Variants in FHIT observed in about 807,000 individuals in gnomAD.
The protein encoded by FHIT is fragile histidine triad diadenosine triphosphatase.
A neutral mutation model predicts 17.9 loss-of-function variants in FHIT; 19 were observed. The ratio of observed to expected loss-of-function variants is 1.06; its 90% CI spans 0.74 to 1.56. The LOEUF (loss-of-function observed/expected upper bound fraction) is 1.56, where lower values mean the gene tolerates loss of function less well. Among genes scored for constraint, FHIT ranks in the 40% most tolerant of loss-of-function variants. The pLI is 0.00. For missense variants in FHIT, 248 were observed against 189.2 expected, an observed-to-expected ratio of 1.31 and a Z score of -1.82; for synonymous variants, 81 against 69.7, an observed-to-expected ratio of 1.16 and a Z score of -0.81.
chr3:60,347,780 C>A lies in FHIT; in HGVS notation c.103+189080G>T, dbSNP rs191752738. Among the ~76,000 whole-genome samples the A allele has an allele frequency of 1.7e-3, 250 of 148,622 alleles. 2 individuals carry two copies. The highest frequency in any genetic ancestry group is 7.8e-4 in the Non-Finnish European group (53 of 67,556). On this transcript the variant is annotated intron_variant, in intron 5 of 9. Coordinates refer to ENST00000492590, the MANE Select transcript of FHIT (RefSeq NM_002012.4). ...CCTATCTTTTCATTTTTTTTTGAGA[C>A]AAAGTCTCGCTCTTGTTGCCCAGGC...
At chr3:61,007,181 T>C (rs568013671) in intron 3 of FHIT, among the ~76,000 whole-genome samples, 54 of 152,328 alleles carry the variant, frequency 3.5e-4, no homozygotes, top group Non-Finnish European at 6.6e-4. Context: ...GTAATCATCT[T>C]TGCAGTCTGT....
Position 59,922,326 on chromosome 3 carries a change from A to G in FHIT, c.348+20T>C, listed in dbSNP as rs183348823. 7.3e-4 allele frequency: 1,165 copies of G among 1,600,438 alleles called. 3 individuals are homozygous for G. The highest frequency in any genetic ancestry group is 2.2e-3 in the Admixed American group (130 of 59,968). On this transcript the variant is annotated intron_variant, in intron 8 of 9. Coordinates refer to ENST00000492590, the MANE Select transcript of FHIT (RefSeq NM_002012.4). ...ACAGTCCCCGTGATCAAACAATAAG[A>G]TCAGAGAGAACAGACCCACCTCCTC... is the stretch of plus-strand genomic sequence containing the variant.
chr3:61,039,645 T>A (rs2033412425), intron 3 of FHIT, among the ~76,000 whole-genome samples: 1 of 151,340 alleles, frequency 6.6e-6, no homozygotes, highest in African/African-American at 2.4e-5. Flanking sequence ...TAAGTGGGAG[T>A]TGAACAATGA....
chr3:60,404,142 G>A (rs1039968282), intron 5 of FHIT, among the ~76,000 whole-genome samples: 1 of 152,100 alleles, frequency 6.6e-6, no homozygotes, highest in African/African-American at 2.4e-5. Flanking sequence ...CAACCAATGA[G>A]AATACTTTCG....
intron 4 of FHIT, among the ~76,000 whole-genome samples, chr3:60,569,305 C>T (rs1039487912): frequency 1.3e-5 from 2 of 152,172 alleles, no homozygotes; most frequent in Admixed American, 1.3e-4. Flanking sequence ...CTCCTGGCCA[C>T]CAAAGGACAC....
At chr3:60,309,478 G>A (rs909273171) in intron 5 of FHIT, among the ~76,000 whole-genome samples, 4 of 152,090 alleles carry the variant, frequency 2.6e-5, no homozygotes, top group East Asian at 3.9e-4. Flanking sequence ...CCAAGATGAC[G>A]ACAAAACTTT....
chr3:59,775,749 G>A (rs1024940950), intron 8 of FHIT, among the ~76,000 whole-genome samples: 1 of 152,108 alleles, frequency 6.6e-6, no homozygotes, highest in Non-Finnish European at 1.5e-5. Context: ...TCAGATGAAC[G>A]CTTTAAATGA....
chr3:59,768,593 T>C (rs1450469066), intron 8 of FHIT, among the ~76,000 whole-genome samples: 2 of 152,360 alleles, frequency 1.3e-5, no homozygotes, highest in African/African-American at 4.8e-5. Context: ...CTTTTCACAA[T>C]AGCCAATCTT....
intron 3 of FHIT, among the ~76,000 whole-genome samples, chr3:60,874,458 C>T (rs1575628024): frequency 1.3e-5 from 2 of 152,152 alleles, no homozygotes; most frequent in East Asian, 3.9e-4. Flanking sequence ...CTGGTCTGTG[C>T]ACATTTTTCT....
At chr3:60,637,250 T>C (rs2039611365) in intron 4 of FHIT, among the ~76,000 whole-genome samples, 1 of 152,226 alleles carries the variant, frequency 6.6e-6, no homozygotes, top group African/African-American at 2.4e-5. Flanking sequence ...TTGATTTTGG[T>C]ATGAAACTTC....
chr3:60,371,234 C>T (rs1700314568), intron 5 of FHIT, among the ~76,000 whole-genome samples: 1 of 152,192 alleles, frequency 6.6e-6, no homozygotes, highest in African/African-American at 2.4e-5. Flanking sequence ...TATCTTTATT[C>T]TCCTGTGTCT....
At chr3:60,987,757 G>A (rs373895547) in intron 3 of FHIT, among the ~76,000 whole-genome samples, 2 of 152,276 alleles carry the variant, frequency 1.3e-5, no homozygotes, top group East Asian at 3.9e-4. Flanking sequence ...GTTTAGCTTA[G>A]AAACAATCAG....
intron 5 of FHIT, among the ~76,000 whole-genome samples, chr3:60,114,915 A>G (rs1453447993): frequency 6.6e-6 from 1 of 152,198 alleles, no homozygotes; most frequent in Non-Finnish European, 1.5e-5. Context: ...TATACTGAAA[A>G]GCCGCTGTCT....
chr3:60,171,245 G>A (rs905451700), intron 5 of FHIT, among the ~76,000 whole-genome samples: 9 of 151,918 alleles, frequency 5.9e-5, no homozygotes, highest in Admixed American at 1.3e-4. Flanking sequence ...GTTACTCCTG[G>A]AAATTACTTT....
chr3:60,074,521 G>C (rs1702920407), intron 5 of FHIT, among the ~76,000 whole-genome samples: 1 of 147,046 alleles, frequency 6.8e-6, no homozygotes, highest in Non-Finnish European at 1.5e-5. Context: ...CATTCATTCA[G>C]CAAATGTGTG....
intron 3 of FHIT, among the ~76,000 whole-genome samples, chr3:60,977,970 T>C (rs539447631): frequency 1.3e-5 from 2 of 152,214 alleles, no homozygotes; most frequent in Non-Finnish European, 2.9e-5. Context: ...TTGTCAGAAA[T>C]TCCTATTCCT....
At chr3:60,862,892 T>C (rs981076947) in intron 3 of FHIT, among the ~76,000 whole-genome samples, 18 of 151,482 alleles carry the variant, frequency 1.2e-4, no homozygotes, top group African/African-American at 4.1e-4. Context: ...GGTTATCCAA[T>C]TAAACACTAG....
chr3:59,917,730 C>T (rs578249044), intron 8 of FHIT, among the ~76,000 whole-genome samples: 5 of 152,240 alleles, frequency 3.3e-5, no homozygotes, highest in East Asian at 3.9e-4. Flanking sequence ...AGAAGAGAGG[C>T]TCATACTCTG....
chr3:60,789,181 G>C (rs956392157), intron 4 of FHIT, among the ~76,000 whole-genome samples: 1 of 132,558 alleles, frequency 7.5e-6, no homozygotes, highest in Non-Finnish European at 1.7e-5. Context: ...TATATAGAGA[G>C]AGAGAGAGAG....
Sources: gnomAD v4.1 joint callset for allele counts (sites outside exome capture counted in the v4.1 genomes callset) on GRCh38, gnomAD v4.1.1 for gene constraint, MANE v1.5 for transcripts, NCBI Gene and HGNC (gene_info 2026-07-23, HGNC 2026-07-21) for gene names.